The following WDR43 variants were observed in gnomAD, a reference collection of about 807,000 sequenced individuals.
WDR43 encodes WD repeat domain 43.
A neutral mutation model predicts 91.4 loss-of-function variants in WDR43; 13 were observed. The observed-to-expected ratio is 0.14, with a 90% CI of 0.09 to 0.23. The LOEUF (loss-of-function observed/expected upper bound fraction) is 0.23, where lower values mean the gene tolerates loss of function less well. Among genes scored for constraint, WDR43 ranks in the 10% least tolerant of loss-of-function variants. The pLI is 1.00. For synonymous variants in WDR43, 331 were observed against 287.9 expected, an observed-to-expected ratio of 1.15 and a Z score of -1.51; for missense variants, 780 against 809.4, an observed-to-expected ratio of 0.96 and a Z score of 0.44.
At chr2:28,899,056 G>C (rs764875536) in intron 1 of WDR43, among the ~76,000 whole-genome samples, 1 of 152,102 alleles carries the variant, frequency 6.6e-6, no homozygotes, top group East Asian at 1.9e-4. Flanking sequence ...TTCAGTATTC[G>C]TTGCTTAACT....
In WDR43 at chr2:28,917,879, G is replaced by A. The variant is rs1265759416; in HGVS notation, c.747-14G>A. ...ATCTGTCTTGCTATCTAACTTGCTG[G>A]TTTTGTTATCTAGGCAGGTCCGATC... On this transcript the variant is annotated splice_polypyrimidine_tract_variant and intron_variant, in intron 5 of 17. Coordinates refer to ENST00000407426, the MANE Select transcript of WDR43 (RefSeq NM_015131.3). 1 of 1,560,410 alleles carries A rather than the reference G, an allele frequency of 6.4e-7. No individual in the cohort carries two copies. The highest frequency in any genetic ancestry group is 1.2e-5 in the South Asian group (1 of 83,504).
intron 1 of WDR43, among the ~76,000 whole-genome samples, chr2:28,897,110 T>G (rs1199062717): frequency 6.6e-6 from 1 of 152,108 alleles, no homozygotes; most frequent in Non-Finnish European, 1.5e-5. Flanking sequence ...CAATCTTGAG[T>G]CACAGAACTG....
intron 4 of WDR43, 91 bp downstream of exon 4, chr2:28,912,801 A>G: frequency 6.7e-7 from 1 of 1,491,512 alleles, no homozygotes; most frequent in Non-Finnish European, 9.0e-7. Context: ...TATTTTAAGA[A>G]TACAAATTCT....
At chr2:28,918,494 G>A (rs1476557135) in intron 6 of WDR43, among the ~76,000 whole-genome samples, 1 of 151,782 alleles carries the variant, frequency 6.6e-6, no homozygotes, top group Non-Finnish European at 1.5e-5. Flanking sequence ...TCAGCCTCCC[G>A]AGTAGCTGGG....
intron 3 of WDR43, among the ~76,000 whole-genome samples, chr2:28,909,232 G>A (rs962064716): frequency 1.3e-5 from 2 of 151,998 alleles, no homozygotes; most frequent in African/African-American, 4.8e-5. Flanking sequence ...TCTGCCTCCC[G>A]GAATCAAGCG....
intron 6 of WDR43, among the ~76,000 whole-genome samples, chr2:28,921,679 T>C (rs1007860041): frequency 1.3e-5 from 2 of 152,132 alleles, no homozygotes; most frequent in East Asian, 1.9e-4. Context: ...ACTAGAAAAT[T>C]TGATGGCGGA....
Position 28,917,969 on chromosome 2 carries a change from T to A in WDR43, c.823T>A (p.Leu275Ile), listed in dbSNP as rs777814185. The A allele has an allele frequency of 3.8e-6, 6 of 1,581,012 alleles. No individual in the cohort carries two copies. Among genetic ancestry groups the A allele is most frequent in the Non-Finnish European group, 5.2e-6 (6 of 1,162,726 alleles). Residue 275 changes from leucine to isoleucine, a missense_variant, in exon 6 of 18, where the codon TTA (leucine) becomes ATA (isoleucine). By Grantham distance (5) the Leu-to-Ile change is conservative (BLOSUM62 2). Transcript: ENST00000407426. Reference protein sequence around the residue: ...TVTDEPVYIDLTLSENKEEPV... With the variant: ...TVTDEPVYIDITLSENKEEPV... ...TACCGATGAACCTGTCTATATTGAC[T>A]TAACTTTGTCAGAAAACAAAGAAGA...
At chr2:28,905,268 T>C (rs955428151) in intron 2 of WDR43, among the ~76,000 whole-genome samples, 2 of 152,150 alleles carry the variant, frequency 1.3e-5, no homozygotes, top group Non-Finnish European at 2.9e-5. Flanking sequence ...ATGCTTGCAG[T>C]GTGGGTGATT....
chr2:28,905,565 T>C (rs1476014507), intron 2 of WDR43, among the ~76,000 whole-genome samples: 3 of 152,190 alleles, frequency 2.0e-5, no homozygotes, highest in Non-Finnish European at 2.9e-5. Context: ...TTACCTTAAA[T>C]GCTGACTTGG....
At chr2:28,923,028 A>T (rs757342164) in intron 7 of WDR43, 45 bp downstream of exon 7, 2 of 1,528,110 alleles carry the variant, frequency 1.3e-6, no homozygotes, top group East Asian at 2.3e-5. Context: ...TCTTTCCCTG[A>T]CTTGTTACTT....
At position 28,895,223 on chromosome 2, in the gene WDR43, C is replaced by T. The variant is rs192921075; in HGVS notation, c.225+300C>T. ...AGCCATGTTCGCCAAGTCCCCTGGT[C>T]CCCCTGGGGCGGCTTCCTTCTGCCG... On this transcript the variant is annotated intron_variant, in intron 1 of 17. Coordinates refer to ENST00000407426, the MANE Select transcript of WDR43 (RefSeq NM_015131.3). 1,057 of 292,366 alleles carry T rather than the reference C, an allele frequency of 3.6e-3. 19 individuals are homozygous for T. Among genetic ancestry groups the T allele is most frequent in the Admixed American group, 0.034 (652 of 19,202 alleles). 18.1% of individuals were successfully genotyped at this position (292,366 alleles called of 1,614,324 possible).
intron 1 of WDR43, among the ~76,000 whole-genome samples, chr2:28,899,977 T>C (rs562621673): frequency 6.6e-6 from 1 of 152,142 alleles, no homozygotes; most frequent in Non-Finnish European, 1.5e-5. Flanking sequence ...ATACAGAGAT[T>C]TGCAGATGCA....
In WDR43 at chr2:28,946,770, A is replaced by G. The variant is rs776400500; in HGVS notation, c.2025A>G (p.Glu675=). 2 of 1,577,146 alleles carry G rather than the reference A, an allele frequency of 1.3e-6. No homozygotes were observed. ...DSDLDPENES[E]EE is the part of the protein sequence containing the mutation. ...ATTTAGATCCTGAAAATGAAAGTGA[A>G]GAAGAATGAAGACAGCAAAGCAAGC... is the stretch of plus-strand genomic sequence containing the variant. The change falls in exon 18 of 18, where the codon GAA becomes GAG. Residue 675 remains glutamate, a synonymous_variant. Coordinates refer to ENST00000407426, the MANE Select transcript of WDR43 (RefSeq NM_015131.3).
At position 28,935,603 on chromosome 2, in the gene WDR43, A is replaced by G; in HGVS notation, c.1520A>G (p.Gln507Arg). The change falls in exon 12 of 18, where the codon CAA (glutamine) becomes CGA (arginine). Residue 507 changes from glutamine (Q) to arginine (R), a missense_variant. Physicochemically the swap from Gln to Arg is conservative, Grantham distance 43 (BLOSUM62 1). Transcript: ENST00000407426. Reference protein sequence around the residue: ...MPLHTIIPLLQELTKRLQGHP... With the variant: ...MPLHTIIPLLRELTKRLQGHP... Reference sequence around the variant, plus strand: ...CTGCATACTATTATTCCGTTGTTACAAGAGGTAACTGACTGCTTTTTTCAT... The same window carrying G: ...CTGCATACTATTATTCCGTTGTTACGAGAGGTAACTGACTGCTTTTTTCAT... 1 of 1,582,978 alleles carries G rather than the reference A, an allele frequency of 6.3e-7. No individual in the cohort carries two copies. The highest frequency in any genetic ancestry group is 2.3e-5 in the East Asian group (1 of 44,188).
chr2:28,921,280 A>G (rs1175306560), intron 6 of WDR43, among the ~76,000 whole-genome samples: 1 of 151,726 alleles, frequency 6.6e-6, no homozygotes, highest in Non-Finnish European at 1.5e-5. Context: ...GGTGCATGCC[A>G]CCATGCCCAG....
intron 1 of WDR43, among the ~76,000 whole-genome samples, chr2:28,897,816 GATTACA>G (rs1315683420): frequency 6.6e-6 from 1 of 152,166 alleles, no homozygotes; most frequent in East Asian, 1.9e-4. Context: ...GTCACAGAAT[GATTACA>G]ATACTTTGCA....
rs769543363 is a variant in WDR43 at position 28,946,458 on chromosome 2, G to A, written c.1813G>A (p.Glu605Lys). The change falls in exon 17 of 18, where the codon GAA becomes AAA. Residue 605 changes from glutamate to lysine, a missense_variant. Glu to Lys is a moderately conservative substitution (Grantham distance 56, BLOSUM62 1). Transcript: ENST00000407426. The part of the protein sequence containing the change: ...AKLVYEEESS[E>K]EESDDEIADK... The stretch of plus-strand genomic sequence containing the variant: ...TCTTTCTCCCCTTACAGAGTCTTCT[G>A]AAGAGGAGTCTGATGATGAAATAGC... 3.8e-5 allele frequency: 61 copies of A among 1,611,478 alleles called. No individual in the cohort carries two copies. The highest frequency in any genetic ancestry group is 2.2e-4 in the Admixed American group (13 of 59,712).
chr2:28,900,831 T>C (rs2148177744), intron 1 of WDR43, among the ~76,000 whole-genome samples: 1 of 152,322 alleles, frequency 6.6e-6, no homozygotes, highest in African/African-American at 2.4e-5. Flanking sequence ...ATTATTTTTT[T>C]CTGTAAGTAG....
At chr2:28,944,429 T>C (rs1024252504) in intron 16 of WDR43, among the ~76,000 whole-genome samples, 4 of 152,236 alleles carry the variant, frequency 2.6e-5, no homozygotes, top group African/African-American at 9.6e-5. Flanking sequence ...ACCTCAGTTT[T>C]TTAAGAATGT....
Sources: allele counts gnomAD v4.1 joint callset (sites outside exome capture counted in the v4.1 genomes callset), GRCh38; gene constraint gnomAD v4.1.1; transcripts MANE v1.5; gene names NCBI Gene and HGNC (gene_info 2026-07-23, HGNC 2026-07-21).